PTPRT: variants seen among roughly 807,000 people sequenced by gnomAD.
The protein encoded by PTPRT is protein tyrosine phosphatase receptor type T, also known as receptor-type tyrosine-protein phosphatase T.
Under a neutral mutation model 176.8 loss-of-function variants are expected in PTPRT, and 56 were observed. The ratio of observed to expected loss-of-function variants is 0.32; its 90% confidence interval spans 0.26 to 0.40. The LOEUF (loss-of-function observed/expected upper bound fraction) is 0.40. Among genes scored for constraint, PTPRT ranks in the 10% least tolerant of loss-of-function variants. The pLI is 1.00. For missense variants in PTPRT, 1,540 were observed against 1,908.2 expected (o/e 0.81, Z 3.60); for synonymous variants, 783 against 739.0 (o/e 1.06, Z -0.96).
intron 25 of PTPRT, among the ~76,000 whole-genome samples, chr20:42,103,640 T>A (rs147301084): frequency 6.6e-6 from 1 of 152,328 alleles, no homozygotes; most frequent in East Asian, 1.9e-4. Context: ...TCACTTGTTT[T>A]GTATTTTTAG....
At chr20:42,045,816 T>C in the PTPRT span, among the ~76,000 whole-genome samples, 4 of 152,188 alleles carry the variant, frequency 2.6e-5, no homozygotes, top group African/African-American at 9.6e-5. Flanking sequence ...AAAGCAAATG[T>C]AGTTTCTTTA....
chr20:42,816,803 C>T (rs2077794655), intron 2 of PTPRT, among the ~76,000 whole-genome samples: 1 of 152,180 alleles, frequency 6.6e-6, no homozygotes, highest in Non-Finnish European at 1.5e-5. Context: ...ACTACCTAGC[C>T]TCAGGGAAGT....
At chr20:42,294,675 C>A (rs2057363250) in intron 12 of PTPRT, among the ~76,000 whole-genome samples, 1 of 151,666 alleles carries the variant, frequency 6.6e-6, no homozygotes. Flanking sequence ...TGATGAAAAT[C>A]TACCCCTAAC....
chr20:42,202,080 A>T (rs1991476211), intron 15 of PTPRT, among the ~76,000 whole-genome samples: 1 of 151,820 alleles, frequency 6.6e-6, no homozygotes, highest in Non-Finnish European at 1.5e-5. Flanking sequence ...AGTAATTCTC[A>T]TGCCTCAGCC....
intron 1 of PTPRT, among the ~76,000 whole-genome samples, chr20:42,973,102 G>A (rs956341291): frequency 6.6e-6 from 1 of 151,564 alleles, no homozygotes; most frequent in Non-Finnish European, 1.5e-5. Context: ...CAGTGGTCCA[G>A]GGGAGAGATG....
intron 1 of PTPRT, among the ~76,000 whole-genome samples, chr20:42,968,013 T>C (rs560227798): frequency 8.6e-5 from 13 of 151,996 alleles, no homozygotes; most frequent in Non-Finnish European, 1.0e-4. Context: ...CCAAGACAAA[T>C]TCCCCCAAAT....
chr20:42,449,965 T>G (rs2070799112), intron 8 of PTPRT, among the ~76,000 whole-genome samples: 1 of 152,220 alleles, frequency 6.6e-6, no homozygotes, highest in African/African-American at 2.4e-5. Flanking sequence ...TATATATTTT[T>G]TATTTTTAAA....
chr20:42,564,733 T>C (rs894879604), intron 7 of PTPRT, among the ~76,000 whole-genome samples: 34 of 152,270 alleles, frequency 2.2e-4, no homozygotes, highest in African/African-American at 7.7e-4. Context: ...GTTCTGCACA[T>C]GTATCTCAGA....
chr20:42,193,682 A>C lies in PTPRT; in HGVS notation c.2491+5558T>G, dbSNP rs970744875. Among the ~76,000 whole-genome samples, 71 of 152,228 alleles carry C rather than the reference A, an allele frequency of 4.7e-4. 3 individuals carry two copies. Among genetic ancestry groups the C allele is most frequent in the Non-Finnish European group, 5.9e-5 (4 of 68,044 alleles). ...ATTTATATAAAGCATAAGTTTTAGCACATAGTAGGTGCCCAATAAAAGTTA... is the reference window on the plus strand; with the variant it reads ...ATTTATATAAAGCATAAGTTTTAGCCCATAGTAGGTGCCCAATAAAAGTTA... On this transcript the variant is annotated intron_variant, in intron 16 of 30. Coordinates refer to ENST00000373187, the MANE Select transcript of PTPRT (RefSeq NM_007050.6).
intron 9 of PTPRT, among the ~76,000 whole-genome samples, chr20:42,418,383 T>C (rs1208413971): frequency 6.6e-6 from 1 of 152,122 alleles, no homozygotes; most frequent in Non-Finnish European, 1.5e-5. Flanking sequence ...GAATGATGAG[T>C]CTAGCTTAGA....
intron 1 of PTPRT, among the ~76,000 whole-genome samples, chr20:42,930,980 C>T (rs1213007709): frequency 2.0e-5 from 3 of 152,052 alleles, no homozygotes; most frequent in African/African-American, 7.2e-5. Context: ...TATCTTTATG[C>T]TGTTTAGACC....
chr20:42,618,665 T>G (rs1332703836), intron 7 of PTPRT, among the ~76,000 whole-genome samples: 2 of 130,456 alleles, frequency 1.5e-5, no homozygotes, highest in Admixed American at 7.4e-5. Flanking sequence ...TAGCTCTTCT[T>G]GTTGAATTGA....
chr20:43,144,535 C>T (rs1448120255), intron 1 of PTPRT, among the ~76,000 whole-genome samples: 3 of 152,082 alleles, frequency 2.0e-5, no homozygotes, highest in East Asian at 1.9e-4. Flanking sequence ...TTACTTCTAC[C>T]ACCTTACCCA....
intron 1 of PTPRT, among the ~76,000 whole-genome samples, chr20:43,018,230 A>G (rs999669334): frequency 1.3e-5 from 2 of 152,198 alleles, no homozygotes; most frequent in Admixed American, 1.3e-4. Context: ...TCACAAACCC[A>G]GAGGAATAAG....
intron 1 of PTPRT, among the ~76,000 whole-genome samples, chr20:42,893,693 G>T (rs1440818461): frequency 2.0e-5 from 3 of 151,888 alleles, no homozygotes; most frequent in African/African-American, 7.3e-5. Flanking sequence ...AAAAAATGAT[G>T]AGTTCATGTC....
At chr20:42,527,980 T>C (rs1389279437) in intron 7 of PTPRT, among the ~76,000 whole-genome samples, 3 of 152,226 alleles carry the variant, frequency 2.0e-5, no homozygotes, top group African/African-American at 7.2e-5. Context: ...TGCCACTCTC[T>C]TGTTTAAAAT....
In PTPRT at chr20:42,291,860, A is replaced by G. The variant is rs1315126169; in HGVS notation, c.2140-9335T>C. On this transcript the variant is annotated intron_variant, in intron 12 of 30. Coordinates refer to ENST00000373187, the MANE Select transcript of PTPRT (RefSeq NM_007050.6). ...GGTCTATATTTTAAGAACAACAGGA[A>G]GTCATTAAAGAGCTATTTAGGCAGG... Among the ~76,000 whole-genome samples, 3 of 152,176 alleles carry G rather than the reference A, an allele frequency of 2.0e-5. No individual in the cohort carries two copies. The East Asian group carries it at 5.8e-4, about 29-fold the overall frequency.
intron 16 of PTPRT, among the ~76,000 whole-genome samples, chr20:42,178,916 A>T (rs1436820971): frequency 6.6e-6 from 1 of 152,182 alleles, no homozygotes; most frequent in Non-Finnish European, 1.5e-5. Flanking sequence ...GACAAGTGGG[A>T]GTGAGAGAGA....
chr20:42,846,316 C>A (rs979560778), intron 2 of PTPRT, among the ~76,000 whole-genome samples: 4 of 152,020 alleles, frequency 2.6e-5, no homozygotes, highest in African/African-American at 9.7e-5. Flanking sequence ...TAATGGAACA[C>A]CTTGTGGTGA....
Sources: allele counts gnomAD v4.1 joint callset (sites outside exome capture counted in the v4.1 genomes callset), GRCh38; gene constraint gnomAD v4.1.1; transcripts MANE v1.5; gene names NCBI Gene and HGNC (gene_info 2026-07-23, HGNC 2026-07-21).